ABCA13: variants seen among roughly 807,000 people sequenced by gnomAD.
ABCA13 encodes ATP-binding cassette sub-family A member 13.
Under a neutral mutation model 478.7 loss-of-function variants are expected in ABCA13, and 476 were observed. The observed-to-expected ratio is 0.99, with a 90% confidence interval of 0.92 to 1.07. The LOEUF (loss-of-function observed/expected upper bound fraction) is 1.07. ABCA13 is among the 50% of genes least tolerant of loss of function. The probability of loss-of-function intolerance (pLI) is 0.00; values close to 1 mark genes in which losing one functional copy is unlikely to be tolerated. For missense variants in ABCA13, 6,060 were observed against 5,910.6 expected (o/e 1.03, Z -0.83); for synonymous variants, 2,252 against 2,158.9 (o/e 1.04, Z -1.20).
intron 55 of ABCA13, among the ~76,000 whole-genome samples, chr7:48,563,823 TG>T (rs767623912): frequency 0.067 from 10,114 of 151,100 alleles, 443 homozygotes; most frequent in African/African-American, 0.11. Context: ...TGTGTGTGTG[TG>T]TGTGTGTGTG....
At chr7:48,645,179 G>T (rs1410699348) in intron 61 of ABCA13, among the ~76,000 whole-genome samples, 1 of 152,022 alleles carries the variant, frequency 6.6e-6, no homozygotes, top group Admixed American at 6.6e-5. Flanking sequence ...CAGGCTTAAG[G>T]TATTGAGAAC....
intron 42 of ABCA13, among the ~76,000 whole-genome samples, chr7:48,446,697 G>C (rs1305833285): frequency 7.3e-6 from 1 of 136,994 alleles, no homozygotes; most frequent in Non-Finnish European, 1.6e-5. Context: ...AAATTTTTTG[G>C]GTGTCTCCAG....
chr7:48,435,413 G>A (rs573366368), intron 42 of ABCA13, among the ~76,000 whole-genome samples: 59 of 151,872 alleles, frequency 3.9e-4, no homozygotes, highest in Non-Finnish European at 5.3e-4. Context: ...TTATGTGTAT[G>A]TATGTGTATT....
At chr7:48,578,245 T>TA (rs1462084678) in intron 55 of ABCA13, among the ~76,000 whole-genome samples, 1 of 152,126 alleles carries the variant, frequency 6.6e-6, no homozygotes, top group Non-Finnish European at 1.5e-5. Flanking sequence ...AAAAGGGAGT[T>TA]AAAATCACAC....
intron 23 of ABCA13, among the ~76,000 whole-genome samples, chr7:48,308,465 C>T (rs1382255445): frequency 6.6e-6 from 1 of 152,082 alleles, no homozygotes; most frequent in Non-Finnish European, 1.5e-5. Context: ...ATGTACTGTA[C>T]ATAATTGTGT....
intron 42 of ABCA13, among the ~76,000 whole-genome samples, chr7:48,432,233 TAGTC>T (rs1373336135): frequency 6.6e-6 from 1 of 152,028 alleles, no homozygotes; most frequent in Non-Finnish European, 1.5e-5. Context: ...ACTAAATTAA[TAGTC>T]AGCAGAGAAA....
chr7:48,429,306 A>G (rs1197152446), intron 42 of ABCA13, among the ~76,000 whole-genome samples: 1 of 152,216 alleles, frequency 6.6e-6, no homozygotes, highest in East Asian at 1.9e-4. Flanking sequence ...CTAGGAGTGA[A>G]ATTGCTGAAT....
chr7:48,202,195 A>G (rs929081556), intron 3 of ABCA13, among the ~76,000 whole-genome samples: 1 of 152,184 alleles, frequency 6.6e-6, no homozygotes, highest in Non-Finnish European at 1.5e-5. Flanking sequence ...GCTGCTGGCT[A>G]GGGCAGCCTG....
chr7:48,632,065 G>A (rs67925221), intron 59 of ABCA13, among the ~76,000 whole-genome samples: 24,877 of 152,050 alleles, frequency 0.16, 2,517 homozygotes, highest in African/African-American at 0.26. Context: ...GGAGTCTTCT[G>A]GAGGAGTCTT....
intron 59 of ABCA13, among the ~76,000 whole-genome samples, chr7:48,616,675 A>C (rs993194070): frequency 2.6e-5 from 4 of 152,166 alleles, no homozygotes; most frequent in Admixed American, 2.6e-4. Context: ...TATATTAAAC[A>C]AGAAATGGCT....
chr7:48,328,236 C>T (rs561138834), intron 27 of ABCA13, among the ~76,000 whole-genome samples: 2 of 152,256 alleles, frequency 1.3e-5, no homozygotes, highest in East Asian at 3.9e-4. Context: ...TGGGGAAGGG[C>T]ACTGGTGGGA....
Position 48,387,831 on chromosome 7 carries a change from G to T in ABCA13, c.11345G>T (p.Gly3782Val). 2.5e-6 allele frequency: 4 copies of T among 1,577,342 alleles called. No homozygotes were observed. The highest frequency in any genetic ancestry group is 2.4e-5 in the South Asian group (2 of 83,974). Residue 3782 changes from glycine to valine, a missense_variant, in exon 36 of 62, where the codon GGT (glycine) becomes GTT (valine). Transcript: ENST00000435803. ...YLSNLIPGTF[G>V]LRKPWYFPFT... ...TTGTTTCATTTTTTAGGAACATTTG[G>T]TTTACGGAAACCATGGTATTTCCCC... is the stretch of plus-strand genomic sequence containing the variant.
chr7:48,313,258 G>T, intron 25 of ABCA13, 27 bp downstream of exon 25: 4 of 1,579,410 alleles, frequency 2.5e-6, no homozygotes, highest in Non-Finnish European at 3.4e-6. Context: ...TGTCCCTAGG[G>T]AAATATTCAA....
intron 42 of ABCA13, among the ~76,000 whole-genome samples, chr7:48,437,256 T>A (rs12718270): frequency 0.3 from 44,962 of 151,690 alleles, 6,695 homozygotes; most frequent in East Asian, 0.37. Context: ...ACTCTTTTTT[T>A]AAAGGGTCAA....
intron 47 of ABCA13, among the ~76,000 whole-genome samples, chr7:48,483,434 C>A (rs966858949): frequency 1.3e-5 from 2 of 152,162 alleles, no homozygotes; most frequent in Non-Finnish European, 2.9e-5. Context: ...TTCAAAGATA[C>A]CCACAGTTGT....
At chr7:48,540,047 A>G (rs1369759052) in intron 55 of ABCA13, among the ~76,000 whole-genome samples, 1 of 152,174 alleles carries the variant, frequency 6.6e-6, no homozygotes, top group African/African-American at 2.4e-5. Context: ...TGGTATGTGT[A>G]AAGAGAGTTG....
chr7:48,499,667 TCAAA>T (rs1413454155), intron 48 of ABCA13, among the ~76,000 whole-genome samples: 1 of 152,146 alleles, frequency 6.6e-6, no homozygotes. Context: ...ATAATAACAA[TCAAA>T]CAAAGAAAAA....
At chr7:48,408,079 G>A (rs1248095053) in intron 39 of ABCA13, among the ~76,000 whole-genome samples, 1 of 152,130 alleles carries the variant, frequency 6.6e-6, no homozygotes, top group Non-Finnish European at 1.5e-5. Context: ...CCCTTTTGTT[G>A]TTGAGGGCAC....
intron 59 of ABCA13, among the ~76,000 whole-genome samples, chr7:48,617,163 T>C (rs1274897206): frequency 6.6e-6 from 1 of 152,198 alleles, no homozygotes; most frequent in Non-Finnish European, 1.5e-5. Context: ...ATGACATAGA[T>C]GGTAACAATA....
Sources: allele counts gnomAD v4.1 joint callset (sites outside exome capture counted in the v4.1 genomes callset), GRCh38; gene constraint gnomAD v4.1.1; transcripts MANE v1.5; gene names NCBI Gene and HGNC (gene_info 2026-07-23, HGNC 2026-07-21).